SBF2: variants seen among roughly 807,000 people sequenced by gnomAD.
SBF2 encodes myotubularin-related protein 13.
Under a neutral mutation model 225.2 loss-of-function variants are expected in SBF2, and 112 were observed. The observed-to-expected ratio is 0.50, with a 90% CI of 0.43 to 0.58. The LOEUF is 0.58. Ranked by LOEUF, SBF2 falls within the 20% of genes least tolerant of loss-of-function variation. The pLI is 0.00. For synonymous variants in SBF2, 763 were observed against 773.3 expected, an observed-to-expected ratio of 0.99 and a Z score of 0.22; for missense variants, 1,996 against 2,206.2, an observed-to-expected ratio of 0.90 and a Z score of 1.91.
chr11:10,092,591 G>A (rs756749470), intron 2 of SBF2, among the ~76,000 whole-genome samples: 5 of 152,094 alleles, frequency 3.3e-5, no homozygotes, highest in Non-Finnish European at 5.9e-5. Flanking sequence ...ATCTGTTTTC[G>A]CTAACATTCT....
At chr11:10,163,698 T>A (rs886967780) in intron 2 of SBF2, among the ~76,000 whole-genome samples, 1 of 152,130 alleles carries the variant, frequency 6.6e-6, no homozygotes, top group Non-Finnish European at 1.5e-5. Flanking sequence ...AAGATTTTAG[T>A]ACTGGAAACA....
At chr11:10,155,791 A>G (rs976296515) in intron 2 of SBF2, among the ~76,000 whole-genome samples, 1 of 152,252 alleles carries the variant, frequency 6.6e-6, no homozygotes, top group Non-Finnish European at 1.5e-5. Context: ...ATTACCATGT[A>G]CTTTATACTA....
intron 2 of SBF2, among the ~76,000 whole-genome samples, chr11:10,045,159 T>C (rs1949804782): frequency 6.9e-6 from 1 of 145,320 alleles, no homozygotes; most frequent in African/African-American, 2.5e-5. Context: ...TTTGTGACTA[T>C]CTATTGCTTT....
chr11:10,112,397 G>A (rs1268962493), intron 2 of SBF2, among the ~76,000 whole-genome samples: 1 of 152,170 alleles, frequency 6.6e-6, no homozygotes, highest in Non-Finnish European at 1.5e-5. Context: ...TAAAATGGGA[G>A]TTTCCTTGCA....
Position 9,961,949 on chromosome 11 carries a change from C to G in SBF2, c.1860+8G>C. ...TAAGAGGAATAATCTGAAAGAACTA[C>G]AAATTACCTGTAGAGTACAATTCAT... On this transcript the variant is annotated splice_region_variant and intron_variant, in intron 16 of 39. Transcript: ENST00000256190. 1 of 1,609,450 alleles carries G rather than the reference C, an allele frequency of 6.2e-7. No individual in the cohort carries two copies. The highest frequency in any genetic ancestry group is 8.5e-7 in the Non-Finnish European group (1 of 1,177,096).
intron 9 of SBF2, among the ~76,000 whole-genome samples, chr11:9,994,407 G>A (rs1287577186): frequency 1.3e-5 from 2 of 150,734 alleles, no homozygotes; most frequent in African/African-American, 4.9e-5. Flanking sequence ...CCCGGGAGGC[G>A]GAGCTTGCAG....
At chr11:9,963,736 G>T in intron 15 of SBF2, 37 bp downstream of exon 15, 2 of 1,010,974 alleles carry the variant, frequency 2.0e-6, no homozygotes, top group South Asian at 2.7e-5. Context: ...AAAGGGAAAT[G>T]ATAAATGCTT....
chr11:10,136,509 C>G (rs892927174), intron 2 of SBF2, among the ~76,000 whole-genome samples: 3 of 152,168 alleles, frequency 2.0e-5, no homozygotes, highest in Non-Finnish European at 4.4e-5. Context: ...CCACAAAAAG[C>G]CTATCTGCTG....
chr11:10,110,839 T>C (rs558364680), intron 2 of SBF2, among the ~76,000 whole-genome samples: 5 of 152,188 alleles, frequency 3.3e-5, no homozygotes, highest in Non-Finnish European at 5.9e-5. Flanking sequence ...AAATGTTTAA[T>C]TTTACCCAGG....
chr11:10,302,328 C>G (rs75632591), intron 1 of SBF2, among the ~76,000 whole-genome samples: 143 of 152,388 alleles, frequency 9.4e-4, no homozygotes, highest in African/African-American at 3.0e-3. Context: ...GGGGAGCACT[C>G]TAGCCCCTGC....
Position 9,967,705 on chromosome 11 carries a change from C to T in SBF2, c.1600+636G>A, listed in dbSNP as rs184760594. On this transcript the variant is annotated intron_variant, in intron 14 of 39. Coordinates refer to ENST00000256190, the MANE Select transcript of SBF2 (RefSeq NM_030962.4). ...CCAAGGTGGGCGGATCACCTGAGGT[C>T]GGGAGTTCGAGACCAGCCTGACTAA... Among the ~76,000 whole-genome samples, 69 of 152,166 alleles carry T rather than the reference C, an allele frequency of 4.5e-4. No individual in the cohort carries two copies. The East Asian group carries it at 0.013, about 29-fold the overall frequency.
At chr11:10,207,837 CTTAT>C (rs1465103252) in intron 1 of SBF2, among the ~76,000 whole-genome samples, 1 of 152,062 alleles carries the variant, frequency 6.6e-6, no homozygotes, top group East Asian at 1.9e-4. Context: ...CTCACAAGCA[CTTAT>C]TTAACTACTT....
At chr11:10,286,121 C>T (rs1225334050) in intron 1 of SBF2, among the ~76,000 whole-genome samples, 1 of 151,882 alleles carries the variant, frequency 6.6e-6, no homozygotes, top group African/African-American at 2.4e-5. Context: ...AGCTACCACG[C>T]CCAGCCAAAA....
intron 17 of SBF2, among the ~76,000 whole-genome samples, chr11:9,894,746 C>T (rs11042536): frequency 0.21 from 31,228 of 151,834 alleles, 4,110 homozygotes; most frequent in Non-Finnish European, 0.3. Context: ...TTTGGGAGGC[C>T]GAGGCAGGTG....
chr11:10,150,961 C>T (rs1238655143), intron 2 of SBF2, among the ~76,000 whole-genome samples: 1 of 152,064 alleles, frequency 6.6e-6, no homozygotes, highest in East Asian at 1.9e-4. Flanking sequence ...ATGACTTAAA[C>T]CTTCTGGAAT....
At chr11:10,222,865 A>G (rs1420893621) in intron 1 of SBF2, among the ~76,000 whole-genome samples, 1 of 152,168 alleles carries the variant, frequency 6.6e-6, no homozygotes, top group East Asian at 1.9e-4. Flanking sequence ...CAATAATGGA[A>G]CACTAGGCAT....
intron 13 of SBF2, among the ~76,000 whole-genome samples, chr11:9,973,446 C>G (rs1244121100): frequency 3.3e-5 from 5 of 152,156 alleles, no homozygotes; most frequent in South Asian, 2.1e-4. Context: ...TACAGTGAAC[C>G]TGGCAACATT....
intron 16 of SBF2, among the ~76,000 whole-genome samples, chr11:9,916,037 C>A (rs963826371): frequency 6.6e-6 from 1 of 152,032 alleles, no homozygotes; most frequent in Non-Finnish European, 1.5e-5. Context: ...GTACTCCAGC[C>A]CAAGTGACAG....
chr11:9,946,761 T>C (rs1240151608), intron 16 of SBF2, among the ~76,000 whole-genome samples: 1 of 152,180 alleles, frequency 6.6e-6, no homozygotes, highest in East Asian at 1.9e-4. Context: ...ATGTTTCTAT[T>C]AACAAACACT....
Sources: allele counts gnomAD v4.1 joint callset (sites outside exome capture counted in the v4.1 genomes callset), GRCh38; gene constraint gnomAD v4.1.1; transcripts MANE v1.5; gene names NCBI Gene and HGNC (gene_info 2026-07-23, HGNC 2026-07-21).